Variants in LEPR observed in about 807,000 individuals in gnomAD.
LEPR encodes the protein leptin receptor.
LEPR carries 56 observed loss-of-function variants against 114.7 expected under a neutral mutation model. The ratio of observed to expected loss-of-function variants is 0.49; its 90% CI spans 0.39 to 0.61. LEPR has a LOEUF of 0.61. Among genes scored for constraint, LEPR ranks in the 20% least tolerant of loss-of-function variants. LEPR has a pLI of 0.00. For missense variants in LEPR, 1,202 were observed against 1,352.9 expected (o/e 0.89, Z 1.75); for synonymous variants, 443 against 461.4 (o/e 0.96, Z 0.51).
intron 2 of LEPR, among the ~76,000 whole-genome samples, chr1:65,455,073 A>G (rs1570480272): frequency 6.6e-6 from 1 of 152,180 alleles, no homozygotes; most frequent in Non-Finnish European, 1.5e-5. Context: ...AGTTGATCGC[A>G]TCGGCTCCTG....
chr1:65,607,132 C>T (rs1044574813), intron 11 of LEPR, among the ~76,000 whole-genome samples: 2 of 152,146 alleles, frequency 1.3e-5, no homozygotes, highest in African/African-American at 4.8e-5. Flanking sequence ...CGTCAGTTCT[C>T]TCTTAATTTT....
chr1:65,623,047 T>G, intron 19 of LEPR, 66 bp downstream of exon 19: 1 of 1,462,772 alleles, frequency 6.8e-7, no homozygotes, highest in Non-Finnish European at 9.5e-7. Context: ...ATATGACTTA[T>G]AGAGCATTAA....
intron 2 of LEPR, among the ~76,000 whole-genome samples, chr1:65,547,848 G>A (rs34200279): frequency 0.2 from 8,895 of 43,706 alleles, 3,025 homozygotes; most frequent in African/African-American, 0.39. Flanking sequence ...GCCTTCTGCT[G>A]GCTTTTGAAT....
chr1:65,503,461 T>C (rs1648565485), intron 2 of LEPR, among the ~76,000 whole-genome samples: 1 of 151,884 alleles, frequency 6.6e-6, no homozygotes, highest in Admixed American at 6.6e-5. Context: ...GAGCAGAGAT[T>C]GTAAGACTAA....
intron 2 of LEPR, among the ~76,000 whole-genome samples, chr1:65,530,339 A>G (rs1463830437): frequency 6.6e-6 from 1 of 152,224 alleles, no homozygotes; most frequent in Non-Finnish European, 1.5e-5. Flanking sequence ...AAGGGGTCCC[A>G]ATCCAGACCC....
chr1:65,465,639 A>T (rs182182110), intron 2 of LEPR, among the ~76,000 whole-genome samples: 96 of 152,246 alleles, frequency 6.3e-4, no homozygotes, highest in African/African-American at 2.3e-3. Flanking sequence ...AAAGTCTCCC[A>T]TTATTATTGT....
chr1:65,623,574 T>C (rs1444602602), intron 19 of LEPR, among the ~76,000 whole-genome samples: 2 of 152,192 alleles, frequency 1.3e-5, no homozygotes, highest in African/African-American at 4.8e-5. Context: ...ACTGTTTTAT[T>C]AATTCTCATA....
chr1:65,616,031 G>T lies in LEPR; in HGVS notation c.2019G>T (p.Leu673Phe). 1 of 1,614,106 alleles carries T rather than the reference G, an allele frequency of 6.2e-7. No individual in the cohort carries two copies. The highest frequency in any genetic ancestry group is 1.3e-5 in the African/African-American group (1 of 75,036). Reference sequence around the variant, plus strand: ...AGCCCCTGATGAAAAATGACTCATTGTGCAGTGTTCAGAGATATGTGATAA... The same window carrying T: ...AGCCCCTGATGAAAAATGACTCATTTTGCAGTGTTCAGAGATATGTGATAA... ...LWKPLMKNDS[L>F]CSVQRYVINH... The change falls in exon 15 of 20, where the codon TTG (leucine) becomes TTT (phenylalanine). Residue 673 changes from leucine to phenylalanine, a missense_variant. Coordinates refer to ENST00000349533, the MANE Select transcript of LEPR (RefSeq NM_002303.6).
chr1:65,595,766 G>A (rs908570733), intron 6 of LEPR, among the ~76,000 whole-genome samples: 1 of 152,014 alleles, frequency 6.6e-6, no homozygotes, highest in Non-Finnish European at 1.5e-5. Flanking sequence ...ACAAGAAAAT[G>A]CATCGATTTT....
intron 2 of LEPR, among the ~76,000 whole-genome samples, chr1:65,482,543 G>A (rs1647273894): frequency 1.3e-5 from 2 of 152,176 alleles, no homozygotes; most frequent in African/African-American, 4.8e-5. Context: ...AACAAACTTG[G>A]TATGTGACAG....
intron 10 of LEPR, among the ~76,000 whole-genome samples, chr1:65,604,044 A>C (rs1178872507): frequency 6.6e-6 from 1 of 152,088 alleles, no homozygotes; most frequent in Non-Finnish European, 1.5e-5. Flanking sequence ...TTGCCATCTC[A>C]GGAATGCTCC....
chr1:65,488,209 T>TCTTTCA, intron 2 of LEPR, among the ~76,000 whole-genome samples: 1 of 38,338 alleles, frequency 2.6e-5, no homozygotes, highest in Non-Finnish European at 5.2e-5. Flanking sequence ...TCTTTCTTTC[T>TCTTTCA]TTCTCTCTCT....
At chr1:65,564,206 T>C (rs879712261) in intron 2 of LEPR, among the ~76,000 whole-genome samples, 81 of 150,622 alleles carry the variant, frequency 5.4e-4, no homozygotes, top group Non-Finnish European at 7.0e-4. Context: ...ATCAGCGAGA[T>C]TCCGTGGGCG....
At chr1:65,442,146 A>C (rs1646657390) in intron 2 of LEPR, among the ~76,000 whole-genome samples, 1 of 152,186 alleles carries the variant, frequency 6.6e-6, no homozygotes, top group Non-Finnish European at 1.5e-5. Flanking sequence ...GGACTCTGCT[A>C]TATGAGACTT....
At chr1:65,486,932 A>G (rs1647516037) in intron 2 of LEPR, among the ~76,000 whole-genome samples, 1 of 152,124 alleles carries the variant, frequency 6.6e-6, no homozygotes, top group South Asian at 2.1e-4. Flanking sequence ...TCCCACCCTG[A>G]CAGAAAAACA....
At chr1:65,544,757 A>C (rs1651529230) in intron 2 of LEPR, among the ~76,000 whole-genome samples, 1 of 151,426 alleles carries the variant, frequency 6.6e-6, no homozygotes, top group African/African-American at 2.4e-5. Context: ...AACGGGGTGA[A>C]ATTTTGATAC....
In LEPR at chr1:65,421,338, A is replaced by AGT. The variant is rs1311531276; in HGVS notation, c.-97+607_-97+608dup. ...TCTGTTTATGGACAGAGAAGAAACC[A>AGT]GTGTGTGTGTAGTATGTGTTTTTTG... On this transcript the variant is annotated intron_variant, in intron 1 of 19. Transcript: ENST00000349533. The AGT allele has an allele frequency of 5.9e-6, 9 of 1,533,590 alleles. No homozygotes were observed. In the Admixed American group the frequency reaches 5.9e-5, roughly 10 times the overall value. 95.0% of individuals were successfully genotyped at this position (1,533,590 alleles called of 1,614,324 possible). A position where few individuals can be genotyped will look rare whatever the true frequency, so the allele number is the denominator to read the frequency against.
intron 3 of LEPR, among the ~76,000 whole-genome samples, chr1:65,568,786 C>T (rs1183272073): frequency 4.6e-5 from 7 of 152,168 alleles, no homozygotes. Context: ...TTTACATTGC[C>T]ACCAACAGTG....
intron 5 of LEPR, among the ~76,000 whole-genome samples, chr1:65,585,259 A>C (rs1199639652): frequency 6.6e-6 from 1 of 152,100 alleles, no homozygotes; most frequent in South Asian, 2.1e-4. Context: ...TAAATTTTCT[A>C]ATTCCACTTC....
Sources: gnomAD v4.1 joint callset for allele counts (sites outside exome capture counted in the v4.1 genomes callset) on GRCh38, gnomAD v4.1.1 for gene constraint, MANE v1.5 for transcripts, NCBI Gene and HGNC (gene_info 2026-07-23, HGNC 2026-07-21) for gene names.